BHLHA15: variants seen among roughly 807,000 people sequenced by gnomAD.
BHLHA15 encodes the protein class A basic helix-loop-helix protein 15.
A neutral mutation model predicts 10.4 loss-of-function variants in BHLHA15; 7 were observed. That is an observed-to-expected ratio of 0.67 (90% CI 0.38 to 1.26). The LOEUF is 1.26. Among genes scored for constraint, BHLHA15 ranks in the 50% most tolerant of loss-of-function variants. The pLI, the probability that BHLHA15 is intolerant of heterozygous loss-of-function variation, is 0.02. For missense variants in BHLHA15, 289 were observed against 287.4 expected (o/e 1.01, Z -0.04); for synonymous variants, 140 against 131.5 (o/e 1.06, Z -0.44).
At chr7:98,211,702 C>A (rs973471485) in intron 1 of BHLHA15, among the ~76,000 whole-genome samples, 7 of 152,124 alleles carry the variant, frequency 4.6e-5, no homozygotes, top group Admixed American at 2.0e-4. Flanking sequence ...CCTCTGACCT[C>A]CACGGCTGCC....
At position 98,212,055 on chromosome 7, in the gene BHLHA15, T is replaced by G. The variant is rs115592291; in HGVS notation, c.-54-201T>G. On this transcript the variant is annotated intron_variant, in intron 1 of 1. Transcript: ENST00000609256. Reference sequence around the variant, plus strand: ...CAGGGACAGATTCCAGAGGTCTGTTTGAGGTAAAGCAAGGGCGTGGGTGTG... The same window carrying G: ...CAGGGACAGATTCCAGAGGTCTGTTGGAGGTAAAGCAAGGGCGTGGGTGTG... Among the ~76,000 whole-genome samples the G allele has an allele frequency of 7.6e-3, 1,149 of 152,076 alleles. 17 individuals are homozygous for G. Among genetic ancestry groups the G allele is most frequent in the African/African-American group, 0.026 (1,066 of 41,478 alleles).
Position 98,212,387 on chromosome 7 carries a change from C to A in BHLHA15, c.78C>A (p.Pro26=). The A allele has an allele frequency of 6.9e-7, 1 of 1,457,308 alleles. No homozygotes were observed. Among genetic ancestry groups the A allele is most frequent in the South Asian group, 1.4e-5 (1 of 71,908 alleles). 90.3% of individuals were successfully genotyped at this position (1,457,308 alleles called of 1,614,324 possible). The change falls in exon 2 of 2, where the codon CCC becomes CCA. Residue 26 remains proline (P), a synonymous_variant. Transcript: ENST00000609256. The part of the protein sequence containing the change: ...DTEATPGEGT[P]DGSLPNPGPE... ...AGGCCACCCCCGGGGAGGGGACGCC[C>A]GACGGGTCCCTGCCGAACCCGGGGC...
Position 98,212,378 on chromosome 7 carries a change from G to C in BHLHA15, c.69G>C (p.Glu23Asp). ...PVQDTEATPG[E>D]GTPDGSLPNP... ...AGGACACAGAGGCCACCCCCGGGGA[G>C]GGGACGCCCGACGGGTCCCTGCCGA... Residue 23 changes from glutamate (E) to aspartate (D), a missense_variant, in exon 2 of 2, where the codon GAG becomes GAC. Physicochemically the swap from Glu to Asp is conservative, Grantham distance 45. Coordinates refer to ENST00000609256, the MANE Select transcript of BHLHA15 (RefSeq NM_177455.4). 1 of 1,442,198 alleles carries C rather than the reference G, an allele frequency of 6.9e-7. No individual in the cohort carries two copies. Among genetic ancestry groups the C allele is most frequent in the Non-Finnish European group, 9.1e-7 (1 of 1,099,478 alleles). 89.3% of individuals were successfully genotyped at this position (1,442,198 alleles called of 1,614,324 possible).
chr7:98,212,850 C>G lies in BHLHA15; in HGVS notation c.541C>G (p.Gln181Glu). The G allele has an allele frequency of 6.5e-7, 1 of 1,546,888 alleles. No homozygotes were observed. Among genetic ancestry groups the G allele is most frequent in the Non-Finnish European group, 8.7e-7 (1 of 1,150,800 alleles). Residue 181 changes from glutamine to glutamate, a missense_variant, in exon 2 of 2, where the codon CAG (glutamine) becomes GAG (glutamate). Physicochemically the swap from Gln to Glu is conservative, Grantham distance 29. Coordinates refer to ENST00000609256, the MANE Select transcript of BHLHA15 (RefSeq NM_177455.4). Reference protein sequence around the residue: ...PQGHLQRYSTQIHSFREGT With the variant: ...PQGHLQRYSTEIHSFREGT Reference sequence around the variant, plus strand: ...GGGCCACCTGCAGAGGTACTCCACGCAGATCCACAGCTTCCGAGAGGGCAC... The same window carrying G: ...GGGCCACCTGCAGAGGTACTCCACGGAGATCCACAGCTTCCGAGAGGGCAC...
Position 98,212,642 on chromosome 7 carries a change from C to G in BHLHA15, c.333C>G (p.Leu111=). 1 of 1,602,576 alleles carries G rather than the reference C, an allele frequency of 6.2e-7. No homozygotes were observed. The highest frequency in any genetic ancestry group is 8.5e-7 in the Non-Finnish European group (1 of 1,175,802). ...CCCACGTGCGCGCGGACAAGAAGCTCTCCAAGATCGAGACGCTCACGCTGG... is the reference window on the plus strand; with the variant it reads ...CCCACGTGCGCGCGGACAAGAAGCTGTCCAAGATCGAGACGCTCACGCTGG... ...VIPHVRADKK[L]SKIETLTLAK... The change falls in exon 2 of 2, where the codon CTC becomes CTG. Residue 111 remains leucine, a synonymous_variant. Coordinates refer to ENST00000609256, the MANE Select transcript of BHLHA15 (RefSeq NM_177455.4).
chr7:98,212,579 G>C lies in BHLHA15; in HGVS notation c.270G>C (p.Lys90Asn). 1 of 1,605,494 alleles carries C rather than the reference G, an allele frequency of 6.2e-7. No individual in the cohort carries two copies. The highest frequency in any genetic ancestry group is 8.5e-7 in the Non-Finnish European group (1 of 1,177,582). Residue 90 changes from lysine to asparagine, a missense_variant, in exon 2 of 2, where the codon AAG becomes AAC. Coordinates refer to ENST00000609256, the MANE Select transcript of BHLHA15 (RefSeq NM_177455.4). Reference sequence around the variant, plus strand: ...AGAGGGAGCGGCAGCGGATGCACAAGCTAAATAACGCCTTCCAGGCCCTGC... The same window carrying C: ...AGAGGGAGCGGCAGCGGATGCACAACCTAAATAACGCCTTCCAGGCCCTGC... The part of the protein sequence containing the change: ...SNERERQRMH[K>N]LNNAFQALRE...
chr7:98,213,107 C>T lies in BHLHA15; in HGVS notation c.*228C>T, dbSNP rs1797935267. 3 of 523,454 alleles carry T rather than the reference C, an allele frequency of 5.7e-6. No individual in the cohort carries two copies. The highest frequency in any genetic ancestry group is 4.0e-5 in the Admixed American group (1 of 25,236). The allele number at this position is 523,454 out of a possible 1,614,324, so 32.4% of individuals were successfully genotyped here. On this transcript the variant is annotated 3_prime_UTR_variant, in exon 2 of 2. Transcript: ENST00000609256. ...TTGCGGCTGTGGCCCTGGACAGCGG[C>T]GTGAGGCCCAAACCTCTAGGTAGGG...
rs1013360759 is a variant in BHLHA15 at position 98,215,438 on chromosome 7, A to C, written c.*2559A>C. 9.2e-5 allele frequency: 14 copies of C among 152,284 alleles called. No homozygotes were observed. Among genetic ancestry groups the C allele is most frequent in the Admixed American group, 6.5e-5 (1 of 15,292 alleles). 9.4% of individuals were successfully genotyped at this position (152,284 alleles called of 1,614,324 possible). ...ATAAAACAAAAATAAAAGATTTCAC[A>C]GCAATGTCTGCTTCAGGCACACGGG... is the stretch of plus-strand genomic sequence containing the variant. On this transcript the variant is annotated 3_prime_UTR_variant, in exon 2 of 2. Coordinates refer to ENST00000609256, the MANE Select transcript of BHLHA15 (RefSeq NM_177455.4).
chr7:98,211,705 C>A (rs1445565171), intron 1 of BHLHA15, among the ~76,000 whole-genome samples: 1 of 152,154 alleles, frequency 6.6e-6, no homozygotes, highest in Non-Finnish European at 1.5e-5. Context: ...CTGACCTCCA[C>A]GGCTGCCCCA....
Position 98,212,879 on chromosome 7 carries a change from G to A in BHLHA15, c.570G>A (p.Ter190=). The A allele has an allele frequency of 6.5e-7, 1 of 1,531,602 alleles. No homozygotes were observed. Among genetic ancestry groups the A allele is most frequent in the Non-Finnish European group, 8.7e-7 (1 of 1,144,390 alleles). The allele number at this position is 1,531,602 out of a possible 1,614,324, so 94.9% of individuals were successfully genotyped here. A position where few individuals can be genotyped will look rare whatever the true frequency, so the allele number is the denominator to read the frequency against. Residue 190 remains the stop codon, a stop_retained_variant, in exon 2 of 2, where the codon TAG becomes TAA. Transcript: ENST00000609256. ...TQIHSFREGT[*] ...TCCACAGCTTCCGAGAGGGCACCTA[G>A]CGCCCAGTCCTGGGTGGGGGTGGCG... is the stretch of plus-strand genomic sequence containing the variant.
rs1450712913 is a variant in BHLHA15 at position 98,214,587 on chromosome 7, T to A, written c.*1708T>A. ...GACCTCCCCGGCGGGGGTACTCAGG[T>A]GCTACGAACATGGCAGCTCTTGTTT... On this transcript the variant is annotated 3_prime_UTR_variant, in exon 2 of 2. Transcript: ENST00000609256. 6.6e-6 allele frequency: 1 copy of A among 152,208 alleles called. No individual in the cohort carries two copies. Among genetic ancestry groups the A allele is most frequent in the Admixed American group, 6.5e-5 (1 of 15,286 alleles). 9.4% of individuals were successfully genotyped at this position (152,208 alleles called of 1,614,324 possible).
rs1441963710 is a variant in BHLHA15, at chr7:98,214,775, T to TG, written c.*1901dup. On this transcript the variant is annotated 3_prime_UTR_variant, in exon 2 of 2. Coordinates refer to ENST00000609256, the MANE Select transcript of BHLHA15 (RefSeq NM_177455.4). ...CTTCCTGGGGGGCAGCAGGAGTGCC[T>TG]GGGGGTCACCGCCTTCAGGACAATG... The TG allele has an allele frequency of 6.6e-6, 1 of 152,344 alleles. No individual in the cohort carries two copies. Among genetic ancestry groups the TG allele is most frequent in the African/African-American group, 2.4e-5 (1 of 41,432 alleles). 9.4% of individuals were successfully genotyped at this position (152,344 alleles called of 1,614,324 possible). A position where few individuals can be genotyped will look rare whatever the true frequency, so the allele number is the denominator to read the frequency against.
In BHLHA15 at chr7:98,212,257, T is replaced by G. The variant is rs1167964042; in HGVS notation, c.-53T>G. The stretch of plus-strand genomic sequence containing the variant: ...AGTGTCCTGTGTTCTGGATTTCAGC[T>G]CCAAGGGCCTCACCTTCCTGCCGCC... On this transcript the variant is annotated splice_region_variant and 5_prime_UTR_variant, in exon 2 of 2. Coordinates refer to ENST00000609256, the MANE Select transcript of BHLHA15 (RefSeq NM_177455.4). 9 of 1,308,330 alleles carry G rather than the reference T, an allele frequency of 6.9e-6. No homozygotes were observed. Among genetic ancestry groups the G allele is most frequent in the Non-Finnish European group, 7.8e-6 (8 of 1,023,070 alleles). The allele number at this position is 1,308,330 out of a possible 1,614,324, so 81.0% of individuals were successfully genotyped here.
Position 98,212,816 on chromosome 7 carries a change from C to A in BHLHA15, c.507C>A (p.Ala169=). 1 of 1,549,994 alleles carries A rather than the reference C, an allele frequency of 6.5e-7. No individual in the cohort carries two copies. The highest frequency in any genetic ancestry group is 2.1e-5 in the Admixed American group (1 of 47,944). Residue 169 remains alanine, a synonymous_variant, in exon 2 of 2, where the codon GCC becomes GCA. Coordinates refer to ENST00000609256, the MANE Select transcript of BHLHA15 (RefSeq NM_177455.4). ...GGGGTGCGTTGGGGGCCACGGAGGCCCAGCCCCAGGGCCACCTGCAGAGGT... is the reference window on the plus strand; with the variant it reads ...GGGGTGCGTTGGGGGCCACGGAGGCACAGCCCCAGGGCCACCTGCAGAGGT... ...VAGGALGATE[A]QPQGHLQRYS... is the part of the protein sequence containing the mutation.
rs1307770766 is a variant in BHLHA15 at position 98,213,090 on chromosome 7, G to A, written c.*211G>A. The A allele has an allele frequency of 1.6e-5, 9 of 561,074 alleles. No individual in the cohort carries two copies. Among genetic ancestry groups the A allele is most frequent in the Non-Finnish European group, 2.1e-5 (7 of 327,380 alleles). The allele number at this position is 561,074 out of a possible 1,614,324, so 34.8% of individuals were successfully genotyped here. ...ACCAGCGAGTGGCCTAGTTGCGGCT[G>A]TGGCCCTGGACAGCGGCGTGAGGCC... On this transcript the variant is annotated 3_prime_UTR_variant, in exon 2 of 2. Coordinates refer to ENST00000609256, the MANE Select transcript of BHLHA15 (RefSeq NM_177455.4).
Position 98,214,145 on chromosome 7 carries a change from C to T in BHLHA15, c.*1266C>T. Among the ~76,000 whole-genome samples the T allele has an allele frequency of 6.6e-6, 1 of 152,252 alleles. No individual in the cohort carries two copies. The highest frequency in any genetic ancestry group is 1.9e-4 in the East Asian group (1 of 5,192). Reference sequence around the variant, plus strand: ...CCACAGCTGAGACCAAGGGCTCTGGCTGGCCCGTCCCCACCAGGTGGCCCT... The same window carrying T: ...CCACAGCTGAGACCAAGGGCTCTGGTTGGCCCGTCCCCACCAGGTGGCCCT... On this transcript the variant is annotated 3_prime_UTR_variant, in exon 2 of 2. Coordinates refer to ENST00000609256, the MANE Select transcript of BHLHA15 (RefSeq NM_177455.4).
Position 98,213,070 on chromosome 7 carries a change from C to T in BHLHA15, c.*191C>T, listed in dbSNP as rs751832781. 11 of 595,762 alleles carry T rather than the reference C, an allele frequency of 1.8e-5. No homozygotes were observed. The highest frequency in any genetic ancestry group is 3.1e-5 in the East Asian group (1 of 31,812). 36.9% of individuals were successfully genotyped at this position (595,762 alleles called of 1,614,324 possible). On this transcript the variant is annotated 3_prime_UTR_variant, in exon 2 of 2. Coordinates refer to ENST00000609256, the MANE Select transcript of BHLHA15 (RefSeq NM_177455.4). ...TTTTTCCTGCCCCGCTGGGGACCAGCGAGTGGCCTAGTTGCGGCTGTGGCC... is the reference window on the plus strand; with the variant it reads ...TTTTTCCTGCCCCGCTGGGGACCAGTGAGTGGCCTAGTTGCGGCTGTGGCC...
intron 1 of BHLHA15, among the ~76,000 whole-genome samples, chr7:98,211,746 C>T (rs1797909358): frequency 7.2e-6 from 1 of 138,744 alleles, no homozygotes; most frequent in Admixed American, 8.5e-5. Flanking sequence ...CCAGTGCTGT[C>T]CCATGTCCGC....
rs372322791 is a variant in BHLHA15 at position 98,212,939 on chromosome 7, CCA to C, written c.*61_*62del. 1.4e-6 allele frequency: 2 copies of C among 1,447,970 alleles called. No homozygotes were observed. The highest frequency in any genetic ancestry group is 2.9e-5 in the African/African-American group (2 of 68,880). 89.7% of individuals were successfully genotyped at this position (1,447,970 alleles called of 1,614,324 possible). ...GCTGCCTGGCCTGCTCCTCCCAGCC[CCA>C]GTCCCTCCAAGCCACGAGCCCCAGA... On this transcript the variant is annotated 3_prime_UTR_variant, in exon 2 of 2. Transcript: ENST00000609256.
Sources: allele counts gnomAD v4.1 joint callset (sites outside exome capture counted in the v4.1 genomes callset), GRCh38; gene constraint gnomAD v4.1.1; transcripts MANE v1.5; gene names NCBI Gene and HGNC (gene_info 2026-07-23, HGNC 2026-07-21).